The following ST7 variants were observed in gnomAD, a reference collection of about 807,000 sequenced individuals.
The protein encoded by ST7 is suppressor of tumorigenicity 7 protein.
A neutral mutation model predicts 78.7 loss-of-function variants in ST7; 28 were observed. The observed-to-expected ratio is 0.36, with a 90% CI of 0.26 to 0.49. ST7 has a LOEUF of 0.49. Ranked by LOEUF, ST7 falls within the 20% of genes least tolerant of loss-of-function variation. ST7 has a pLI of 0.99. For missense variants in ST7, 418 were observed against 696.0 expected, an observed-to-expected ratio of 0.60 and a Z score of 4.49; for synonymous variants, 247 against 249.6, an observed-to-expected ratio of 0.99 and a Z score of 0.10.
chr7:117,202,074 C>G (rs1810918730), intron 12 of ST7, among the ~76,000 whole-genome samples: 3 of 79,984 alleles, frequency 3.8e-5, no homozygotes, highest in Admixed American at 1.8e-4. Context: ...CATTCTCCTG[C>G]CTCAGCCTCC....
chr7:116,964,242 A>G (rs1304456828), intron 1 of ST7, among the ~76,000 whole-genome samples: 1 of 152,206 alleles, frequency 6.6e-6, no homozygotes, highest in Non-Finnish European at 1.5e-5. Flanking sequence ...GTGACAGGTA[A>G]TAGTAGAATG....
At chr7:117,188,352 A>G (rs188009691) in intron 10 of ST7, among the ~76,000 whole-genome samples, 31 of 152,334 alleles carry the variant, frequency 2.0e-4, no homozygotes, top group Middle Eastern at 3.4e-3. Context: ...ACCTAGAATG[A>G]ATTTTGCAGC....
At chr7:116,963,921 C>A (rs1792967450) in intron 1 of ST7, among the ~76,000 whole-genome samples, 1 of 152,036 alleles carries the variant, frequency 6.6e-6, no homozygotes, top group Admixed American at 6.6e-5. Flanking sequence ...CTTAAGTTGA[C>A]CTCCGCATCT....
intron 1 of ST7, among the ~76,000 whole-genome samples, chr7:116,966,800 T>C (rs1175394087): frequency 1.3e-5 from 2 of 152,212 alleles, no homozygotes; most frequent in African/African-American, 4.8e-5. Flanking sequence ...TCACCTTGCA[T>C]TTAATTGAAA....
intron 1 of ST7, among the ~76,000 whole-genome samples, chr7:117,026,293 C>A (rs1304860773): frequency 1.3e-5 from 2 of 152,252 alleles, no homozygotes. Context: ...ATGGACATTA[C>A]AAATTGTATA....
rs1314414599 is a variant in ST7, at chr7:117,020,534, C to G, written c.151+66843C>G. On this transcript the variant is annotated intron_variant, in intron 1 of 15. Coordinates refer to ENST00000323984, the MANE Select transcript of ST7 (RefSeq NM_001369598.1). Reference sequence around the variant, plus strand: ...ATCTCTTCACTCTCACATGTACACTCTCCTCGCTTTTCTTTCTTTTTTTTT... The same window carrying G: ...ATCTCTTCACTCTCACATGTACACTGTCCTCGCTTTTCTTTCTTTTTTTTT... 4 of 1,533,878 alleles carry G rather than the reference C, an allele frequency of 2.6e-6. No homozygotes were observed. The African/African-American group carries it at 5.5e-5, about 21-fold the overall frequency.
chr7:116,978,592 A>AATCT (rs57958028), intron 1 of ST7, among the ~76,000 whole-genome samples: 1 of 151,488 alleles, frequency 6.6e-6, no homozygotes, highest in Admixed American at 6.6e-5. Context: ...CTATCTATCT[A>AATCT]ATCTATCTAT....
At position 117,040,088 on chromosome 7, in the gene ST7, T is replaced by C. The variant is rs528638822; in HGVS notation, c.152-59674T>C. On this transcript the variant is annotated intron_variant, in intron 1 of 15. Transcript: ENST00000323984. ...GGGCACTCTGCTTTAAAGACAGAGC[T>C]AGAGGCTGGGCTCGGTGGCTCACGC... 1.8e-4 allele frequency among the ~76,000 whole-genome samples: 28 copies of C among 152,220 alleles called. No homozygotes were observed. In the South Asian group the frequency reaches 5.6e-3, roughly 30 times the overall value.
Position 117,178,838 on chromosome 7 carries a change from A to G in ST7, c.1078+7862A>G, listed in dbSNP as rs557261413. ...CATAATTACAGACATTTCTTCCAAG[A>G]TTATTGAATTAAAGTTTGGCTATTA... On this transcript the variant is annotated intron_variant, in intron 10 of 15. Coordinates refer to ENST00000323984, the MANE Select transcript of ST7 (RefSeq NM_001369598.1). 3.9e-5 allele frequency among the ~76,000 whole-genome samples: 6 copies of G among 152,322 alleles called. No homozygotes were observed. In the South Asian group the frequency reaches 1.0e-3, roughly 26 times the overall value.
At chr7:117,108,678 C>T (rs112435969) in intron 2 of ST7, among the ~76,000 whole-genome samples, 5 of 151,676 alleles carry the variant, frequency 3.3e-5, no homozygotes, top group South Asian at 4.2e-4. Context: ...AGATTGCTTT[C>T]GGCAGTATGG....
intron 1 of ST7, among the ~76,000 whole-genome samples, chr7:117,089,574 GTT>G (rs1363196802): frequency 2.2e-5 from 3 of 136,708 alleles, no homozygotes; most frequent in Non-Finnish European, 3.2e-5. Context: ...TTGTTTTTTT[GTT>G]TTTTTTTTTT....
At chr7:117,099,066 C>CAAAAAAAAAAAAAAAAAAA (rs55999217) in intron 1 of ST7, among the ~76,000 whole-genome samples, 1 of 94,540 alleles carries the variant, frequency 1.1e-5, no homozygotes, top group Non-Finnish European at 2.0e-5. Flanking sequence ...AAAAAAAAAA[C>CAAAAAAAAAAAAAAAAAAA]AAAAAAAAAA....
At chr7:117,111,828 G>GA (rs1485990413) in intron 2 of ST7, among the ~76,000 whole-genome samples, 1 of 152,088 alleles carries the variant, frequency 6.6e-6, no homozygotes, top group Non-Finnish European at 1.5e-5. Flanking sequence ...TTATAGTGGA[G>GA]AAAATCTCTG....
At chr7:116,978,067 A>G (rs1394834164) in intron 1 of ST7, among the ~76,000 whole-genome samples, 2 of 151,968 alleles carry the variant, frequency 1.3e-5, no homozygotes, top group African/African-American at 4.8e-5. Flanking sequence ...TACCATTCTC[A>G]TTCTCATCTG....
chr7:117,205,639 G>A (rs1184097000), intron 12 of ST7, among the ~76,000 whole-genome samples: 1 of 152,200 alleles, frequency 6.6e-6, no homozygotes, highest in East Asian at 1.9e-4. Context: ...CCTGACAGGT[G>A]AGCCAGTCTC....
chr7:117,152,506 T>C (rs141225723), intron 9 of ST7, among the ~76,000 whole-genome samples: 71 of 152,150 alleles, frequency 4.7e-4, no homozygotes, highest in African/African-American at 1.7e-3. Flanking sequence ...TTGGAGGAAA[T>C]TGTTAAAATC....
chr7:116,981,426 A>G (rs1239073792), intron 1 of ST7, among the ~76,000 whole-genome samples: 4 of 152,134 alleles, frequency 2.6e-5, no homozygotes. Context: ...GTTCCTCATG[A>G]TTGAATTCAG....
chr7:117,097,908 A>ATATTTTTTTTTTT, intron 1 of ST7, among the ~76,000 whole-genome samples: 3 of 30,018 alleles, frequency 1.0e-4, no homozygotes, highest in African/African-American at 4.8e-4. Flanking sequence ...ATATATATAT[A>ATATTTTTTTTTTT]TTTTTTTTTT....
intron 6 of ST7, among the ~76,000 whole-genome samples, chr7:117,133,910 T>G (rs147678750): frequency 1.3e-3 from 200 of 152,050 alleles, no homozygotes; most frequent in African/African-American, 4.4e-3. Context: ...CATTTGTGAT[T>G]GCAGTTACAG....
Sources: allele counts gnomAD v4.1 joint callset (sites outside exome capture counted in the v4.1 genomes callset), GRCh38; gene constraint gnomAD v4.1.1; transcripts MANE v1.5; gene names NCBI Gene and HGNC (gene_info 2026-07-23, HGNC 2026-07-21).